NEGR1: variants seen among roughly 807,000 people sequenced by gnomAD.
The protein encoded by NEGR1 is IgLON family member 4.
NEGR1 carries 10 observed loss-of-function variants against 40.9 expected under a neutral mutation model. The ratio of observed to expected loss-of-function variants is 0.24; its 90% CI spans 0.15 to 0.42. The LOEUF is 0.42. Among genes scored for constraint, NEGR1 ranks in the 10% least tolerant of loss-of-function variants. The probability of loss-of-function intolerance (pLI) is 1.00; values close to 1 mark genes in which losing one functional copy is unlikely to be tolerated. For synonymous variants in NEGR1, 185 were observed against 166.8 expected, an observed-to-expected ratio of 1.11 and a Z score of -0.84; for missense variants, 352 against 438.9, an observed-to-expected ratio of 0.80 and a Z score of 1.77.
chr1:71,495,281 C>A (rs779615508), intron 6 of NEGR1, among the ~76,000 whole-genome samples: 28 of 151,982 alleles, frequency 1.8e-4, no homozygotes, highest in Non-Finnish European at 3.7e-4. Flanking sequence ...GAGTTTGAGA[C>A]CAGCTTGGGC....
intron 4 of NEGR1, among the ~76,000 whole-genome samples, chr1:71,624,467 T>G (rs1374518188): frequency 6.6e-6 from 1 of 151,960 alleles, no homozygotes; most frequent in African/African-American, 2.4e-5. Flanking sequence ...TTCCCTCACT[T>G]TTTCAGAATA....
chr1:71,831,959 T>C (rs1237025885), intron 2 of NEGR1, among the ~76,000 whole-genome samples: 2 of 151,834 alleles, frequency 1.3e-5, no homozygotes, highest in South Asian at 2.1e-4. Flanking sequence ...GAAACAACTC[T>C]GGGTTTTGAA....
chr1:71,690,095 C>T (rs1389293672), intron 4 of NEGR1, among the ~76,000 whole-genome samples: 1 of 151,988 alleles, frequency 6.6e-6, no homozygotes, highest in Non-Finnish European at 1.5e-5. Context: ...CCATACTCTG[C>T]CCCTAATCAT....
At chr1:72,185,571 C>A (rs1371253622) in intron 1 of NEGR1, among the ~76,000 whole-genome samples, 1 of 151,860 alleles carries the variant, frequency 6.6e-6, no homozygotes, top group African/African-American at 2.4e-5. Flanking sequence ...AAATGGAATT[C>A]ATTGAGATGT....
chr1:72,098,428 T>G (rs1331424343), intron 1 of NEGR1, among the ~76,000 whole-genome samples: 1 of 152,146 alleles, frequency 6.6e-6, no homozygotes, highest in Non-Finnish European at 1.5e-5. Flanking sequence ...ACGAAGGCTG[T>G]TTTTTAAAAA....
chr1:71,820,386 A>T (rs1658384398), intron 2 of NEGR1, among the ~76,000 whole-genome samples: 1 of 152,024 alleles, frequency 6.6e-6, no homozygotes, highest in Non-Finnish European at 1.5e-5. Flanking sequence ...GGACTCCACA[A>T]TTATATGGTA....
chr1:71,655,686 G>T (rs188766712), intron 4 of NEGR1, among the ~76,000 whole-genome samples: 2 of 152,280 alleles, frequency 1.3e-5, no homozygotes, highest in East Asian at 3.9e-4. Context: ...GCAATAGATA[G>T]AATGGTAAAC....
intron 6 of NEGR1, among the ~76,000 whole-genome samples, chr1:71,588,049 AC>A (rs1439974157): frequency 6.6e-6 from 1 of 152,128 alleles, no homozygotes; most frequent in Admixed American, 6.6e-5. Context: ...GAAGTGAGAA[AC>A]AAAGCGTGTA....
At chr1:71,803,479 C>A (rs775123966) in intron 2 of NEGR1, among the ~76,000 whole-genome samples, 8 of 152,202 alleles carry the variant, frequency 5.3e-5, no homozygotes, top group Non-Finnish European at 1.0e-4. Context: ...ACCTTCCTCT[C>A]TACATCCTGT....
intron 4 of NEGR1, among the ~76,000 whole-genome samples, chr1:71,647,985 A>G (rs1231349491): frequency 6.6e-6 from 1 of 152,038 alleles, no homozygotes; most frequent in East Asian, 1.9e-4. Context: ...GTAAAAGTCT[A>G]TATATATAGT....
At chr1:71,881,397 C>G (rs1268764441) in intron 2 of NEGR1, among the ~76,000 whole-genome samples, 2 of 152,002 alleles carry the variant, frequency 1.3e-5, no homozygotes, top group African/African-American at 4.8e-5. Flanking sequence ...TGCGAGCTCC[C>G]TAAAGAGTCT....
At chr1:72,121,765 A>T (rs1649813700) in intron 1 of NEGR1, among the ~76,000 whole-genome samples, 1 of 152,098 alleles carries the variant, frequency 6.6e-6, no homozygotes, top group Admixed American at 6.6e-5. Flanking sequence ...TTCAATGTTT[A>T]AATAGAGTCG....
chr1:71,457,927 C>A (rs182818224), intron 6 of NEGR1, among the ~76,000 whole-genome samples: 5 of 152,262 alleles, frequency 3.3e-5, no homozygotes, highest in African/African-American at 1.2e-4. Context: ...TGGTCTTGAT[C>A]TCGTGACCTC....
chr1:71,671,893 C>CTCTTTT, intron 4 of NEGR1, among the ~76,000 whole-genome samples: 1 of 121,582 alleles, frequency 8.2e-6, no homozygotes, highest in Non-Finnish European at 1.7e-5. Context: ...CTCTCTCTCT[C>CTCTTTT]TTTTTTTTTT....
intron 4 of NEGR1, among the ~76,000 whole-genome samples, chr1:71,613,880 G>T (rs962706966): frequency 6.6e-6 from 1 of 151,850 alleles, no homozygotes; most frequent in Non-Finnish European, 1.5e-5. Flanking sequence ...GATTTCTTTG[G>T]AAAGCAATTA....
At chr1:71,476,255 A>G (rs1457099842) in intron 6 of NEGR1, among the ~76,000 whole-genome samples, 2 of 152,144 alleles carry the variant, frequency 1.3e-5, no homozygotes, top group Non-Finnish European at 2.9e-5. Flanking sequence ...CTGAAGCTTT[A>G]AAAGATTGTA....
chr1:71,763,593 G>C (rs527878487), intron 3 of NEGR1, among the ~76,000 whole-genome samples: 6 of 152,152 alleles, frequency 3.9e-5, no homozygotes, highest in Non-Finnish European at 8.8e-5. Context: ...ATAAGTATGT[G>C]AAAATACCTC....
intron 3 of NEGR1, among the ~76,000 whole-genome samples, chr1:71,752,889 T>C (rs1186971068): frequency 1.3e-5 from 2 of 152,172 alleles, no homozygotes; most frequent in African/African-American, 4.8e-5. Flanking sequence ...AAAATCTTAG[T>C]CATTTTGATG....
intron 1 of NEGR1, among the ~76,000 whole-genome samples, chr1:72,244,366 G>A (rs932862419): frequency 1.3e-5 from 2 of 151,504 alleles, no homozygotes; most frequent in Non-Finnish European, 3.0e-5. Context: ...CATAATTCAG[G>A]ATATTTCTAC....
Sources: gnomAD v4.1 joint callset for allele counts (sites outside exome capture counted in the v4.1 genomes callset) on GRCh38, gnomAD v4.1.1 for gene constraint, MANE v1.5 for transcripts, NCBI Gene and HGNC (gene_info 2026-07-23, HGNC 2026-07-21) for gene names.